Variants in SMIM14 observed in about 807,000 individuals in gnomAD.
SMIM14 encodes the protein chromosome 4 open reading frame 34.
SMIM14 carries 5 observed loss-of-function variants against 12.6 expected under a neutral mutation model. The ratio of observed to expected loss-of-function variants is 0.40; its 90% confidence interval spans 0.21 to 0.83. The LOEUF (loss-of-function observed/expected upper bound fraction) is 0.83. Ranked by LOEUF, SMIM14 falls within the 40% of genes least tolerant of loss-of-function variation. SMIM14 has a pLI of 0.37. For missense variants in SMIM14, 86 were observed against 119.1 expected (o/e 0.72, Z 1.29); for synonymous variants, 30 against 40.1 (o/e 0.75, Z 0.95).
intron 1 of SMIM14, among the ~76,000 whole-genome samples, chr4:39,628,402 C>G (rs1402009220): frequency 6.8e-6 from 1 of 147,898 alleles, no homozygotes; most frequent in South Asian, 2.2e-4. Flanking sequence ...TGACCAGGCG[C>G]GGTGGCTCAC....
At chr4:39,574,637 C>G (rs187249426) in intron 2 of SMIM14, among the ~76,000 whole-genome samples, 22 of 152,274 alleles carry the variant, frequency 1.4e-4, no homozygotes, top group African/African-American at 5.3e-4. Flanking sequence ...ATAATATCAC[C>G]TATATCTAAG....
chr4:39,600,374 A>C (rs985660876), intron 2 of SMIM14, among the ~76,000 whole-genome samples: 1 of 152,002 alleles, frequency 6.6e-6, no homozygotes, highest in Non-Finnish European at 1.5e-5. Flanking sequence ...ATAATGAAGA[A>C]CCTTAACTGA....
At chr4:39,594,856 A>G (rs1421249247) in intron 2 of SMIM14, 2 of 151,954 alleles carry the variant, frequency 1.3e-5, no homozygotes, top group Non-Finnish European at 2.9e-5. Flanking sequence ...ACAATGAGAT[A>G]CCATCTCACA....
intron 1 of SMIM14, among the ~76,000 whole-genome samples, 184 bp from the exon 2 acceptor site, chr4:39,605,364 T>C (rs112373176): frequency 0.012 from 1,790 of 152,322 alleles, 19 homozygotes; most frequent in Non-Finnish European, 0.018. Context: ...ATACAGGTGA[T>C]TGGCTACCCC....
intron 3 of SMIM14, among the ~76,000 whole-genome samples, chr4:39,564,066 A>T (rs1195775361): frequency 6.6e-6 from 1 of 152,162 alleles, no homozygotes; most frequent in Non-Finnish European, 1.5e-5. Flanking sequence ...GCCAAATGGA[A>T]TATTCACAAT....
intron 1 of SMIM14, among the ~76,000 whole-genome samples, chr4:39,618,507 C>T (rs1388370893): frequency 6.6e-6 from 1 of 151,840 alleles, no homozygotes; most frequent in Non-Finnish European, 1.5e-5. Context: ...ATTAGCCAGG[C>T]TTGGTGGTTG....
In SMIM14 at chr4:39,585,279, A is replaced by G. The variant is rs532936673; in HGVS notation, c.76-12816T>C. Among the ~76,000 whole-genome samples, 7 of 150,856 alleles carry G rather than the reference A, an allele frequency of 4.6e-5. No individual in the cohort carries two copies. The East Asian group carries it at 1.4e-3, about 29-fold the overall frequency. On this transcript the variant is annotated intron_variant, in intron 2 of 4. Coordinates refer to ENST00000295958, the MANE Select transcript of SMIM14 (RefSeq NM_174921.3). ...TCAGGCTTTCATGGTCTAGATATTC[A>G]CATATTACTTCTATTATTATTATTA... is the stretch of plus-strand genomic sequence containing the variant.
chr4:39,556,327 A>G, intron 4 of SMIM14, 101 bp downstream of exon 4: 1 of 1,098,254 alleles, frequency 9.1e-7, no homozygotes, highest in Non-Finnish European at 1.3e-6. Flanking sequence ...GTTAAATATA[A>G]TTTAACTAAT....
intron 1 of SMIM14, among the ~76,000 whole-genome samples, chr4:39,635,768 T>C (rs1227403811): frequency 6.6e-6 from 1 of 152,176 alleles, no homozygotes; most frequent in Non-Finnish European, 1.5e-5. Flanking sequence ...GGCATGTACT[T>C]ATCCTCTGAA....
In SMIM14 at chr4:39,619,876, A is replaced by ATATTTTTTT. The variant is rs71192884; in HGVS notation, c.-35-14697_-35-14696insAAAAAAATA. On this transcript the variant is annotated intron_variant, in intron 1 of 4. Coordinates refer to ENST00000295958, the MANE Select transcript of SMIM14 (RefSeq NM_174921.3). ...TATATATATTTATATATATATATAT[A>ATATTTTTTT]TTTTTTTTTTTTTAAGAGCAAGATA... Among the ~76,000 whole-genome samples the ATATTTTTTT allele has an allele frequency of 5.5e-4, 64 of 115,848 alleles. 1 individual carries two copies. The highest frequency in any genetic ancestry group is 2.1e-3 in the African/African-American group (62 of 29,112). The allele number at this position is 115,848 out of a possible 152,430, so 76.0% of individuals were successfully genotyped here.
intron 4 of SMIM14, among the ~76,000 whole-genome samples, chr4:39,555,885 G>A (rs542944076): frequency 6.6e-6 from 1 of 152,320 alleles, no homozygotes; most frequent in South Asian, 2.1e-4. Flanking sequence ...ACAGAACTGG[G>A]TAGTGGAGGA....
chr4:39,567,784 G>A (rs1295723737), intron 3 of SMIM14, among the ~76,000 whole-genome samples: 2 of 151,932 alleles, frequency 1.3e-5, no homozygotes, highest in African/African-American at 4.8e-5. Flanking sequence ...GTATGCTCCT[G>A]TAGTCCCAGC....
chr4:39,622,122 T>C (rs955441681), intron 1 of SMIM14, among the ~76,000 whole-genome samples: 2 of 152,326 alleles, frequency 1.3e-5, no homozygotes, highest in African/African-American at 2.4e-5. Context: ...CTTGCACTGT[T>C]GCCCAGGCTG....
At chr4:39,575,624 G>A (rs926780766) in intron 2 of SMIM14, among the ~76,000 whole-genome samples, 15 of 152,020 alleles carry the variant, frequency 9.9e-5, no homozygotes, top group Non-Finnish European at 1.9e-4. Context: ...TTGCTCTGTT[G>A]CCCAGGCTAG....
intron 1 of SMIM14, among the ~76,000 whole-genome samples, chr4:39,625,594 C>T (rs1471277252): frequency 6.6e-6 from 1 of 152,136 alleles, no homozygotes; most frequent in East Asian, 1.9e-4. Flanking sequence ...GCACGCGCCA[C>T]CACATCCAAC....
At chr4:39,603,428 G>A (rs1714689270) in intron 2 of SMIM14, among the ~76,000 whole-genome samples, 2 of 151,886 alleles carry the variant, frequency 1.3e-5, no homozygotes, top group South Asian at 2.1e-4. Flanking sequence ...GCATGGGGGC[G>A]GGCACCTGTA....
intron 2 of SMIM14, among the ~76,000 whole-genome samples, chr4:39,591,550 T>C (rs1023707553): frequency 6.6e-6 from 1 of 152,100 alleles, no homozygotes; most frequent in Non-Finnish European, 1.5e-5. Context: ...TGAACACTGT[T>C]AGTTTATAAT....
chr4:39,575,308 G>T (rs184422445), intron 2 of SMIM14, among the ~76,000 whole-genome samples: 1 of 152,120 alleles, frequency 6.6e-6, no homozygotes, highest in East Asian at 1.9e-4. Flanking sequence ...CTCCCAAAGT[G>T]CTGGGATTAC....
intron 3 of SMIM14, among the ~76,000 whole-genome samples, chr4:39,564,747 G>A (rs28583696): frequency 0.016 from 2,364 of 152,266 alleles, 49 homozygotes; most frequent in African/African-American, 0.054. Context: ...ACTCTGGAGT[G>A]AAAATGTAAA....
Sources: allele counts gnomAD v4.1 joint callset (sites outside exome capture counted in the v4.1 genomes callset), GRCh38; gene constraint gnomAD v4.1.1; transcripts MANE v1.5; gene names NCBI Gene and HGNC (gene_info 2026-07-23, HGNC 2026-07-21).